The following NDUFAF4 variants were observed in gnomAD, a reference collection of about 807,000 sequenced individuals.
The protein encoded by NDUFAF4 is NADH dehydrogenase [ubiquinone] 1 alpha subcomplex assembly factor 4.
In NDUFAF4, 10 loss-of-function variants were observed where a neutral mutation model predicts 15.6. That is an observed-to-expected ratio of 0.64 (90% CI 0.40 to 1.09). The LOEUF (loss-of-function observed/expected upper bound fraction) is 1.09. Ranked by LOEUF, NDUFAF4 falls within the 50% of genes least tolerant of loss-of-function variation. NDUFAF4 has a pLI of 0.01. For missense variants in NDUFAF4, 203 were observed against 207.3 expected, an observed-to-expected ratio of 0.98 and a Z score of 0.13; for synonymous variants, 77 against 73.3, an observed-to-expected ratio of 1.05 and a Z score of -0.26.
At position 96,897,835 on chromosome 6, in the gene NDUFAF4, G is replaced by A; in HGVS notation, c.-34C>T. Reference sequence around the variant, plus strand: ...AACATTATGCGCTCAGGTTCAGGCCGCACGTGGGAACACCGGCGCAGGACA... The same window carrying A: ...AACATTATGCGCTCAGGTTCAGGCCACACGTGGGAACACCGGCGCAGGACA... On this transcript the variant is annotated 5_prime_UTR_variant, in exon 1 of 3. Coordinates refer to ENST00000316149, the MANE Select transcript of NDUFAF4 (RefSeq NM_014165.4). 1 of 1,613,624 alleles carries A rather than the reference G, an allele frequency of 6.2e-7. No individual in the cohort carries two copies. Among genetic ancestry groups the A allele is most frequent in the South Asian group, 1.1e-5 (1 of 91,060 alleles).
In NDUFAF4 at chr6:96,891,321, A is replaced by G; in HGVS notation, c.311T>C (p.Ile104Thr). The G allele has an allele frequency of 6.2e-7, 1 of 1,613,788 alleles. No homozygotes were observed. The highest frequency in any genetic ancestry group is 1.1e-5 in the South Asian group (1 of 91,074). The change falls in exon 3 of 3, where the codon ATA becomes ACA. Residue 104 changes from isoleucine (I) to threonine (T), a missense_variant. By Grantham distance (89) the Ile-to-Thr change is moderately conservative. Transcript: ENST00000316149. ...GCCTTTGGGAATGCTCTTAATATTT[A>G]TCATATCAAAATGATGGTCTTTCGG... The part of the protein sequence containing the change: ...RLPKDHHFDM[I>T]NIKSIPKGKI...
At chr6:96,896,873 A>T in intron 1 of NDUFAF4, 26 bp from the exon 2 acceptor site, 1 of 1,541,480 alleles carries the variant, frequency 6.5e-7, no homozygotes, top group East Asian at 2.2e-5. Context: ...AAGTCACAAT[A>T]TTAAAATCAA....
chr6:96,897,831 G>A lies in NDUFAF4; in HGVS notation c.-30C>T. On this transcript the variant is annotated 5_prime_UTR_variant, in exon 1 of 3. Transcript: ENST00000316149. ...TCATAACATTATGCGCTCAGGTTCA[G>A]GCCGCACGTGGGAACACCGGCGCAG... 1 of 1,613,808 alleles carries A rather than the reference G, an allele frequency of 6.2e-7. No individual in the cohort carries two copies. The highest frequency in any genetic ancestry group is 8.5e-7 in the Non-Finnish European group (1 of 1,179,840).
At chr6:96,892,558 C>T (rs1482276479) in intron 2 of NDUFAF4, among the ~76,000 whole-genome samples, 4 of 152,144 alleles carry the variant, frequency 2.6e-5, no homozygotes, top group Non-Finnish European at 4.4e-5. Context: ...CTTGCTATCT[C>T]TAATGACTGC....
Position 96,890,224 on chromosome 6 carries a change from T to A in NDUFAF4, c.*880A>T, listed in dbSNP as rs1442187559. 1 of 152,150 alleles carries A rather than the reference T, an allele frequency of 6.6e-6. No individual in the cohort carries two copies. The highest frequency in any genetic ancestry group is 1.5e-5 in the Non-Finnish European group (1 of 68,038). The allele number at this position is 152,150 out of a possible 1,614,324, so 9.4% of individuals were successfully genotyped here. On this transcript the variant is annotated 3_prime_UTR_variant, in exon 3 of 3. Transcript: ENST00000316149. The stretch of plus-strand genomic sequence containing the variant: ...CTGTTCTCTGCTTCTACTTGCTATC[T>A]TTTTCTCTTCTCTCAACTAGCATTA...
chr6:96,891,399 C>A lies in NDUFAF4; in HGVS notation c.241-8G>T, dbSNP rs77028896. 121 of 1,301,598 alleles carry A rather than the reference C, an allele frequency of 9.3e-5. No individual in the cohort carries two copies. Among genetic ancestry groups the A allele is most frequent in the Admixed American group, 5.4e-4 (27 of 50,400 alleles). The allele number at this position is 1,301,598 out of a possible 1,614,324, so 80.6% of individuals were successfully genotyped here. A position where few individuals can be genotyped will look rare whatever the true frequency, so the allele number is the denominator to read the frequency against. ...TGTTTCAGCAGCTTTTACCTAGTAT[C>A]AAAAAAAAAAGGTTTTAGGATGAGA... On this transcript the variant is annotated splice_polypyrimidine_tract_variant and splice_region_variant and intron_variant, in intron 2 of 2. Coordinates refer to ENST00000316149, the MANE Select transcript of NDUFAF4 (RefSeq NM_014165.4).
intron 2 of NDUFAF4, among the ~76,000 whole-genome samples, chr6:96,892,874 C>T (rs754724835): frequency 6.6e-5 from 10 of 152,262 alleles, no homozygotes; most frequent in Non-Finnish European, 7.4e-5. Flanking sequence ...TCCATTACTG[C>T]CTACAAGTTA....
At chr6:96,893,603 G>C (rs1447190437) in intron 2 of NDUFAF4, among the ~76,000 whole-genome samples, 1 of 151,884 alleles carries the variant, frequency 6.6e-6, no homozygotes, top group East Asian at 1.9e-4. Flanking sequence ...TCCCAGGTAA[G>C]GTAGATCTTC....
At position 96,897,792 on chromosome 6, in the gene NDUFAF4, G is replaced by C. The variant is rs756243354; in HGVS notation, c.10C>G (p.Leu4Val). 3.7e-6 allele frequency: 6 copies of C among 1,614,054 alleles called. No individual in the cohort carries two copies. The highest frequency in any genetic ancestry group is 2.2e-5 in the East Asian group (1 of 44,892). The change falls in exon 1 of 3, where the codon CTA becomes GTA. Residue 4 changes from leucine to valine, a missense_variant. Leu to Val is a conservative substitution (Grantham distance 32). Transcript: ENST00000316149. ...AAATTCCTGATACCGCGAATCACTA[G>C]TGCTCCCATCTCCTCATAACATTAT... MGA[L>V]VIRGIRNFNL... is the part of the protein sequence containing the mutation.
At chr6:96,891,960 T>G (rs1035641574) in intron 2 of NDUFAF4, among the ~76,000 whole-genome samples, 7 of 152,200 alleles carry the variant, frequency 4.6e-5, no homozygotes, top group African/African-American at 7.2e-5. Flanking sequence ...CATTGCCTTT[T>G]CATAACTATA....
In NDUFAF4 at chr6:96,896,791, G is replaced by A; in HGVS notation, c.193C>T (p.Leu65=). 6.2e-7 allele frequency: 1 copy of A among 1,613,640 alleles called. No individual in the cohort carries two copies. Among genetic ancestry groups the A allele is most frequent in the South Asian group, 1.1e-5 (1 of 91,082 alleles). ...TTGGAATCAACATACACATCTTTTA[G>A]AAACGACAGCAGCTTTTCATCTTTA... is the stretch of plus-strand genomic sequence containing the variant. ...ARKDEKLLSF[L]KDVYVDSKDP... The change falls in exon 2 of 3, where the codon CTA becomes TTA. Residue 65 remains leucine, a synonymous_variant. Transcript: ENST00000316149.
intron 1 of NDUFAF4, 127 bp from the exon 2 acceptor site, chr6:96,896,974 T>C: frequency 1.4e-6 from 1 of 725,998 alleles, no homozygotes; most frequent in Admixed American, 2.1e-5. Flanking sequence ...TTGCCCAGAC[T>C]GGAGTGCAGT....
intron 2 of NDUFAF4, chr6:96,895,999 G>A (rs1276406955): frequency 1.3e-5 from 2 of 152,274 alleles, no homozygotes; most frequent in Non-Finnish European, 2.9e-5. Flanking sequence ...CCTCAGGCCT[G>A]AACATAACTA....
At chr6:96,897,335 AGACCCCTAGAGAAAGCTCTGTG>A (rs1775394567) in intron 1 of NDUFAF4, among the ~76,000 whole-genome samples, 1 of 152,238 alleles carries the variant, frequency 6.6e-6, no homozygotes. Flanking sequence ...CGTCCAGTGA[AGACCCCTAGAGAAAGCTCTGTG>A]ACCCTCTCGG....
At chr6:96,894,164 G>C (rs1029717760) in intron 2 of NDUFAF4, among the ~76,000 whole-genome samples, 1 of 152,184 alleles carries the variant, frequency 6.6e-6, no homozygotes, top group Non-Finnish European at 1.5e-5. Flanking sequence ...GGTTCAAACT[G>C]CAAACCATTC....
At chr6:96,891,535 T>C (rs902021106) in intron 2 of NDUFAF4, 144 bp from the exon 3 acceptor site, 14 of 863,464 alleles carry the variant, frequency 1.6e-5, no homozygotes, top group Admixed American at 2.4e-5. Flanking sequence ...TGTCACCAAA[T>C]TGTAGTCCCC....
Position 96,889,838 on chromosome 6 carries a change from G to A in NDUFAF4, c.*1266C>T, listed in dbSNP as rs940343913. The A allele has an allele frequency of 1.3e-5, 2 of 152,108 alleles. No homozygotes were observed. The highest frequency in any genetic ancestry group is 2.1e-4 in the South Asian group (1 of 4,836). 9.4% of individuals were successfully genotyped at this position (152,108 alleles called of 1,614,324 possible). On this transcript the variant is annotated 3_prime_UTR_variant, in exon 3 of 3. Transcript: ENST00000316149. ...CAAGACAGAAAAAACACACTACTAG[G>A]ATTTGAAAAACTAAATTCTGGGCCT...
chr6:96,897,617 C>T (rs1234685884), intron 1 of NDUFAF4, 49 bp downstream of exon 1: 8 of 1,610,614 alleles, frequency 5.0e-6, no homozygotes, highest in Non-Finnish European at 6.8e-6. Flanking sequence ...AGCCGGGCAG[C>T]ACAGGGACTC....
chr6:96,896,783 A>G lies in NDUFAF4; in HGVS notation c.201T>C (p.Asp67=). 3.1e-6 allele frequency: 5 copies of G among 1,613,718 alleles called. No individual in the cohort carries two copies. Among genetic ancestry groups the G allele is most frequent in the Non-Finnish European group, 4.2e-6 (5 of 1,179,930 alleles). The change falls in exon 2 of 3, where the codon GAT becomes GAC. Residue 67 remains aspartate (D), a synonymous_variant. Transcript: ENST00000316149. ...KDEKLLSFLK[D]VYVDSKDPVS... is the part of the protein sequence containing the mutation. The stretch of plus-strand genomic sequence containing the variant: ...CAGGATCTTTGGAATCAACATACAC[A>G]TCTTTTAGAAACGACAGCAGCTTTT...
Sources: allele counts gnomAD v4.1 joint callset (sites outside exome capture counted in the v4.1 genomes callset), GRCh38; gene constraint gnomAD v4.1.1; transcripts MANE v1.5; gene names NCBI Gene and HGNC (gene_info 2026-07-23, HGNC 2026-07-21).